Variants in SH2B1 observed in about 807,000 individuals in gnomAD.
The protein encoded by SH2B1 is SH2B adapter protein 1.
A neutral mutation model predicts 62.6 loss-of-function variants in SH2B1; 15 were observed. That is an observed-to-expected ratio of 0.24 (90% CI 0.16 to 0.37). The LOEUF is 0.37. SH2B1 is among the 10% of genes least tolerant of loss of function. The pLI is 1.00. For missense variants in SH2B1, 925 were observed against 1,015.6 expected, an observed-to-expected ratio of 0.91 and a Z score of 1.21; for synonymous variants, 443 against 438.0, an observed-to-expected ratio of 1.01 and a Z score of -0.14.
At chr16:28,859,301 T>C (rs73529517), upstream of SH2B1, among the ~76,000 whole-genome samples, 1,890 of 152,198 alleles carry the variant, frequency 0.012, 27 homozygotes, top group African/African-American at 0.043. Flanking sequence ...ATCACATAGA[T>C]AGACACCTGT....
Position 28,866,991 on chromosome 16 carries a change from A to G in SH2B1, c.897A>G (p.Glu299=). Residue 299 remains glutamate, a synonymous_variant, in exon 1 of 8, where the codon GAA becomes GAG. Transcript: ENST00000684370. This position sits in a 1 kb window ranked among gnomAD's most constrained non-coding sequence, Gnocchi z 6.3. ...KCRLLLRSEG[E]GGGGSRLEFF... ...GCCTGCTGCTTCGAAGTGAAGGAGA[A>G]GGAGGAGGAGGAAGTCGCCTGGAGT... is the stretch of plus-strand genomic sequence containing the variant. 1 of 1,602,702 alleles carries G rather than the reference A, an allele frequency of 6.2e-7. No homozygotes were observed. The highest frequency in any genetic ancestry group is 8.5e-7 in the Non-Finnish European group (1 of 1,179,828).
rs1962539483 is a variant in SH2B1, at chr16:28,863,897, G to A, written c.-2198G>A. On this transcript the variant is annotated 5_prime_UTR_variant, in exon 1 of 8. Transcript: ENST00000684370. ...GGTGGGGGCGCAGGGAGCGGGAGCC[G>A]CCGCCGCCGCCGCCGCCGCCGGAGC... is the stretch of plus-strand genomic sequence containing the variant. 2 of 601,576 alleles carry A rather than the reference G, an allele frequency of 3.3e-6. No individual in the cohort carries two copies. Among genetic ancestry groups the A allele is most frequent in the African/African-American group, 2.6e-5 (1 of 38,890 alleles). 37.3% of individuals were successfully genotyped at this position (601,576 alleles called of 1,614,324 possible).
Position 28,863,990 on chromosome 16 carries a change from C to T in SH2B1, c.-2105C>T. On this transcript the variant is annotated 5_prime_UTR_variant, in exon 1 of 8. Coordinates refer to ENST00000684370, the MANE Select transcript of SH2B1 (RefSeq NM_001387430.1). ...CCCCCTCTTCAAGTACCTTTTCCCT[C>T]TCCGCGACCCGGCCCTGGCGCCCGA... 7.1e-7 allele frequency: 1 copy of T among 1,418,206 alleles called. No individual in the cohort carries two copies. The highest frequency in any genetic ancestry group is 9.2e-7 in the Non-Finnish European group (1 of 1,089,836). 87.9% of individuals were successfully genotyped at this position (1,418,206 alleles called of 1,614,324 possible). A position where few individuals can be genotyped will look rare whatever the true frequency, so the allele number is the denominator to read the frequency against.
At chr16:28,858,728 C>T (rs1279322038) in intron 1 of SH2B1, among the ~76,000 whole-genome samples, 1 of 152,000 alleles carries the variant, frequency 6.6e-6, no homozygotes, top group East Asian at 2.0e-4. Context: ...TCACTTGAGG[C>T]TGGGAGTTCG....
At position 28,852,579 on chromosome 16, in the gene SH2B1, TTTA is replaced by T. The variant is rs1245069963; in HGVS notation, c.-301+5754_-301+5756del. Among the ~76,000 whole-genome samples, 19 of 64,870 alleles carry T rather than the reference TTTA, an allele frequency of 2.9e-4. 5 individuals carry two copies. The highest frequency in any genetic ancestry group is 1.4e-3 in the African/African-American group (19 of 13,380). 42.6% of individuals were successfully genotyped at this position (64,870 alleles called of 152,430 possible). A position where few individuals can be genotyped will look rare whatever the true frequency, so the allele number is the denominator to read the frequency against. ...ATATTTATATATATACACATATATA[TTTA>T]TATATATACACATATATATTTATAT... On this transcript the variant is annotated intron_variant, in intron 1 of 10. Transcript: ENST00000322610.
At chr16:28,852,326 ATT>A (rs1384875240) in intron 1 of SH2B1, among the ~76,000 whole-genome samples, 1 of 77,222 alleles carries the variant, frequency 1.3e-5, no homozygotes, top group African/African-American at 5.5e-5. Flanking sequence ...ACATATATAT[ATT>A]TACATATATA....
chr16:28,873,490 T>C lies in SH2B1; in HGVS notation c.1941T>C (p.Pro647=). The part of the protein sequence containing the change: ...SHDPPQPPEP[P]SWTDPPQPGA... ...ACCCACCCCAGCCCCCTGAACCCCCTTCATGGACAGATCCCCCACAGCCTG... is the reference window on the plus strand; with the variant it reads ...ACCCACCCCAGCCCCCTGAACCCCCCTCATGGACAGATCCCCCACAGCCTG... Residue 647 remains proline, a synonymous_variant, in exon 8 of 8, where the codon CCT becomes CCC. Coordinates refer to ENST00000684370, the MANE Select transcript of SH2B1 (RefSeq NM_001387430.1). This position sits in a 1 kb window ranked among gnomAD's most constrained non-coding sequence, Gnocchi z 4.2. The C allele has an allele frequency of 7.2e-7, 1 of 1,380,748 alleles. No individual in the cohort carries two copies. Among genetic ancestry groups the C allele is most frequent in the Non-Finnish European group, 1.0e-6 (1 of 1,003,282 alleles). The allele number at this position is 1,380,748 out of a possible 1,614,324, so 85.5% of individuals were successfully genotyped here.
chr16:28,856,293 C>G (rs2152162112), intron 1 of SH2B1, among the ~76,000 whole-genome samples: 1 of 147,880 alleles, frequency 6.8e-6, no homozygotes, highest in South Asian at 2.1e-4. Flanking sequence ...AAAAAAACCA[C>G]ACACACACAA....
In SH2B1 at chr16:28,866,253, C is replaced by A. The variant is rs776594392; in HGVS notation, c.159C>A (p.Pro53=). The change falls in exon 1 of 8, where the codon CCC becomes CCA. Residue 53 remains proline (P), a synonymous_variant. Transcript: ENST00000684370. The surrounding 1 kb of genome is among the most constrained non-coding windows in gnomAD (Gnocchi z 6.3). ...RRFRLYLASH[P]QYAGPGAEAA... Reference sequence around the variant, plus strand: ...TTCGCCTCTACCTGGCCTCCCACCCCCAATATGCGGGGCCCGGGGCCGAGG... The same window carrying A: ...TTCGCCTCTACCTGGCCTCCCACCCACAATATGCGGGGCCCGGGGCCGAGG... The A allele has an allele frequency of 2.5e-6, 4 of 1,611,130 alleles. No homozygotes were observed. In the African/African-American group the frequency reaches 4.0e-5, roughly 16 times the overall value.
rs377177338 is a variant in SH2B1 at position 28,866,193 on chromosome 16, C to T, written c.99C>T (p.His33=). Residue 33 remains histidine (H), a synonymous_variant, in exon 1 of 8, where the codon CAC becomes CAT. Transcript: ENST00000684370. The surrounding 1 kb of genome is among the most constrained non-coding windows in gnomAD (Gnocchi z 6.3). ...PPSWREFCES[H]ARAAALDFAR... ...GTTGGCGGGAGTTCTGTGAGTCCCA[C>T]GCCCGGGCTGCGGCTCTGGACTTTG... 3.7e-5 allele frequency: 58 copies of T among 1,583,672 alleles called. 1 individual carries two copies. The highest frequency in any genetic ancestry group is 1.8e-4 in the South Asian group (16 of 87,672).
chr16:28,873,341 G>A lies in SH2B1; in HGVS notation c.1898-106G>A, dbSNP rs1303448634. ...GGATGGGGGGTTGCTCAGGAGATGG[G>A]ATGTGGGGAGACAGCCACGCTCCTG... On this transcript the variant is annotated intron_variant, in intron 7 of 7. Coordinates refer to ENST00000684370, the MANE Select transcript of SH2B1 (RefSeq NM_001387430.1). This position sits in a 1 kb window ranked among gnomAD's most constrained non-coding sequence, Gnocchi z 4.2. The A allele has an allele frequency of 8.8e-6, 14 of 1,589,032 alleles. No individual in the cohort carries two copies. The highest frequency in any genetic ancestry group is 9.4e-6 in the Non-Finnish European group (11 of 1,169,712).
chr16:28,865,242 C>G lies in SH2B1; in HGVS notation c.-853C>G. 1.0e-6 allele frequency: 1 copy of G among 985,652 alleles called. No individual in the cohort carries two copies. Among genetic ancestry groups the G allele is most frequent in the Non-Finnish European group, 1.2e-6 (1 of 829,970 alleles). 61.1% of individuals were successfully genotyped at this position (985,652 alleles called of 1,614,324 possible). A position where few individuals can be genotyped will look rare whatever the true frequency, so the allele number is the denominator to read the frequency against. On this transcript the variant is annotated 5_prime_UTR_variant, in exon 1 of 8. Coordinates refer to ENST00000684370, the MANE Select transcript of SH2B1 (RefSeq NM_001387430.1). The stretch of plus-strand genomic sequence containing the variant: ...CTGGGGCCCCTGCGGCCTCTGGCCC[C>G]AGACTGAAGGGATACCAAAGAAGTG...
In SH2B1 at chr16:28,852,404, T is replaced by A. The variant is rs1381919126; in HGVS notation, c.-301+5577T>A. Reference sequence around the variant, plus strand: ...TATATTTATATATATACATATATATTTACATATATATTTATATATTTACAT... The same window carrying A: ...TATATTTATATATATACATATATATATACATATATATTTATATATTTACAT... On this transcript the variant is annotated intron_variant, in intron 1 of 10. Transcript: ENST00000322610. Among the ~76,000 whole-genome samples the A allele has an allele frequency of 2.0e-4, 15 of 74,468 alleles. 5 individuals carry two copies. The East Asian group carries it at 3.0e-3, about 15-fold the overall frequency. 48.9% of individuals were successfully genotyped at this position (74,468 alleles called of 152,430 possible). A position where few individuals can be genotyped will look rare whatever the true frequency, so the allele number is the denominator to read the frequency against.
At chr16:28,867,615 A>C (rs1300003343) in intron 2 of SH2B1, among the ~76,000 whole-genome samples, 183 bp downstream of exon 2, 1 of 152,190 alleles carries the variant, frequency 6.6e-6, no homozygotes, top group Admixed American at 6.5e-5. Flanking sequence ...TACTCTCAAA[A>C]ACAATGCCTC....
At position 28,869,341 on chromosome 16, in the gene SH2B1, C is replaced by T. The variant is rs771407028; in HGVS notation, c.1267C>T (p.Leu423=). The T allele has an allele frequency of 1.2e-6, 2 of 1,614,128 alleles. No homozygotes were observed. Among genetic ancestry groups the T allele is most frequent in the African/African-American group, 2.7e-5 (2 of 75,036 alleles). The part of the protein sequence containing the change: ...NHSESLPSQD[L]LLGPSESNDR... ...CTCGGAGAGTCTACCCAGCCAGGAC[C>T]TGCTGCTTGGACCCAGCGAGAGCAA... Residue 423 remains leucine, a synonymous_variant, in exon 4 of 8, where the codon CTG becomes TTG. Transcript: ENST00000684370.
rs868013806 is a variant in SH2B1, at chr16:28,852,489, C to T, written c.-301+5662C>T. Reference sequence around the variant, plus strand: ...ATATATACATATATATTTATATATACATACATATATTTATATATATACACA... The same window carrying T: ...ATATATACATATATATTTATATATATATACATATATTTATATATATACACA... On this transcript the variant is annotated intron_variant, in intron 1 of 10. Coordinates refer to the SH2B1 transcript ENST00000322610. 5.8e-3 allele frequency among the ~76,000 whole-genome samples: 144 copies of T among 24,712 alleles called. 44 individuals are homozygous for T. Among genetic ancestry groups the T allele is most frequent in the African/African-American group, 0.034 (114 of 3,390 alleles). The allele number at this position is 24,712 out of a possible 152,430, so 16.2% of individuals were successfully genotyped here. A position where few individuals can be genotyped will look rare whatever the true frequency, so the allele number is the denominator to read the frequency against.
chr16:28,867,201 T>C, intron 1 of SH2B1, 130 bp from the exon 2 acceptor site: 1 of 1,223,508 alleles, frequency 8.2e-7, no homozygotes, highest in Non-Finnish European at 1.2e-6. Flanking sequence ...CGGGCAGGAC[T>C]GAGAAAGCAG....
chr16:28,852,948 A>G lies in SH2B1; in HGVS notation c.-301+6121A>G, dbSNP rs1393361529. 1.2e-4 allele frequency among the ~76,000 whole-genome samples: 6 copies of G among 49,700 alleles called. 1 individual carries two copies. The highest frequency in any genetic ancestry group is 2.0e-4 in the Non-Finnish European group (5 of 24,818). The allele number at this position is 49,700 out of a possible 152,430, so 32.6% of individuals were successfully genotyped here. On this transcript the variant is annotated intron_variant, in intron 1 of 10. Transcript: ENST00000322610. Reference sequence around the variant, plus strand: ...TATTTTTATATATATGTACATATATATTTTATATATGTACATATATATGTA... The same window carrying G: ...TATTTTTATATATATGTACATATATGTTTTATATATGTACATATATATGTA...
In SH2B1 at chr16:28,871,800, G is replaced by C; in HGVS notation, c.1330G>C (p.Asp444His). The C allele has an allele frequency of 6.2e-7, 1 of 1,613,966 alleles. No homozygotes were observed. The highest frequency in any genetic ancestry group is 8.5e-7 in the Non-Finnish European group (1 of 1,179,910). ...TCCAGGGGCATATGGGGGCCTCTCAGACCGCCCCTCGGCATCCATCTCCCC... is the reference window on the plus strand; with the variant it reads ...TCCAGGGGCATATGGGGGCCTCTCACACCGCCCCTCGGCATCCATCTCCCC... ...LSQGAYGGLS[D>H]RPSASISPSS... The change falls in exon 5 of 8, where the codon GAC becomes CAC. Residue 444 changes from aspartate to histidine, a missense_variant. This residue lies in a region of SH2B1 where 683 missense variants were observed against 704.0 expected (regional missense o/e 0.97). Transcript: ENST00000684370.
Sources: allele counts gnomAD v4.1 joint callset (sites outside exome capture counted in the v4.1 genomes callset), GRCh38; gene constraint gnomAD v4.1.1; regional missense constraint gnomAD v4.1.1; non-coding constraint Gnocchi (gnomAD v3.1); transcripts MANE v1.5; gene names NCBI Gene and HGNC (gene_info 2026-07-23, HGNC 2026-07-21).